H2BC18: variants seen among roughly 807,000 people sequenced by gnomAD.
H2BC18 encodes histone H2B type 2-F.
Under a neutral mutation model 6.3 loss-of-function variants are expected in H2BC18, and 8 were observed. The ratio of observed to expected loss-of-function variants is 1.28; its 90% CI spans 0.75 to 2.31. The LOEUF (loss-of-function observed/expected upper bound fraction) is 2.31, where lower values mean the gene tolerates loss of function less well. Among genes scored for constraint, H2BC18 ranks in the 30% most tolerant of loss-of-function variants. The pLI is 0.00. For missense variants in H2BC18, 106 were observed against 174.5 expected (o/e 0.61, Z 2.21); for synonymous variants, 104 against 78.1 (o/e 1.33, Z -1.75).
At chr1:149,806,594 C>CA (rs781839663) in intron 1 of H2BC18, among the ~76,000 whole-genome samples, 10,269 of 130,392 alleles carry the variant, frequency 0.079, 336 homozygotes, top group Non-Finnish European at 0.089. Context: ...GACTCCGTCT[C>CA]AAAAAAAAAA....
chr1:149,784,265 T>A, intron 1 of H2BC18: 1 of 1,611,064 alleles, frequency 6.2e-7, no homozygotes, highest in South Asian at 1.1e-5. Flanking sequence ...GAGGTAATTA[T>A]GACTTGGACC....
chr1:149,784,403 T>C (rs1398126672), intron 1 of H2BC18: 5 of 1,435,660 alleles, frequency 3.5e-6, no homozygotes, highest in Non-Finnish European at 4.8e-6. Flanking sequence ...TAAATCAGTA[T>C]ACTCAAAACA....
chr1:149,796,521 T>C (rs1453321106), intron 1 of H2BC18, among the ~76,000 whole-genome samples: 17 of 152,184 alleles, frequency 1.1e-4, no homozygotes, highest in African/African-American at 3.9e-4. Flanking sequence ...GAAATGAGCA[T>C]TTATATAGGT....
intron 1 of H2BC18, chr1:149,788,554 T>C: frequency 6.2e-7 from 1 of 1,613,956 alleles, no homozygotes; most frequent in Non-Finnish European, 8.5e-7. Flanking sequence ...CAATGGCACC[T>C]ACCATTGCTC....
rs185053300 is a variant in H2BC18 at position 149,787,054 on chromosome 1, A to C, written c.378-3794T>G. ...CATTACTAGTGTTTGACAGTTTCTGATGGAGATGTGACAGCACTTCCCACT... is the reference window on the plus strand; with the variant it reads ...CATTACTAGTGTTTGACAGTTTCTGCTGGAGATGTGACAGCACTTCCCACT... On this transcript the variant is annotated intron_variant, in intron 1 of 1. Transcript: ENST00000545683. 1.8e-4 allele frequency: 27 copies of C among 152,348 alleles called. No homozygotes were observed. The East Asian group carries it at 3.5e-3, about 20-fold the overall frequency. 9.4% of individuals were successfully genotyped at this position (152,348 alleles called of 1,614,324 possible).
At chr1:149,792,704 G>T in intron 1 of H2BC18, 1 of 1,283,274 alleles carries the variant, frequency 7.8e-7, no homozygotes, top group Non-Finnish European at 1.0e-6. Flanking sequence ...GGCGAAAGCT[G>T]TTGGGCGCGC....
intron 1 of H2BC18, among the ~76,000 whole-genome samples, chr1:149,794,672 CAAGA>C (rs2091780350): frequency 2.0e-5 from 1 of 49,924 alleles, no homozygotes; most frequent in Admixed American, 2.3e-4. Context: ...TAAAACGTCT[CAAGA>C]AAGAGAGATC....
chr1:149,797,410 ATTAC>A (rs1269159119), intron 1 of H2BC18, among the ~76,000 whole-genome samples: 4 of 152,006 alleles, frequency 2.6e-5, no homozygotes, highest in African/African-American at 7.3e-5. Context: ...TATATCTAGT[ATTAC>A]TTATGTGCTT....
intron 1 of H2BC18, chr1:149,784,113 C>T: frequency 1.9e-6 from 3 of 1,611,854 alleles, no homozygotes; most frequent in Admixed American, 3.3e-5. Context: ...CAGCTCTACA[C>T]AGTGGTTTCT....
At chr1:149,784,704 A>G (rs1360860095) in intron 1 of H2BC18, among the ~76,000 whole-genome samples, 1 of 9,160 alleles carries the variant, frequency 1.1e-4, no homozygotes, top group Non-Finnish European at 7.5e-4. Flanking sequence ...TATAAACTAT[A>G]TATATATATA....
rs587641348 is a variant in H2BC18, at chr1:149,789,805, C to T, written c.378-6545G>A. On this transcript the variant is annotated intron_variant, in intron 1 of 1. Transcript: ENST00000545683. ...AAAAGTTGCCTTCCACAAAATCCATCCCTAGTGCCAAAAAGGTTGGGGACC... is the reference window on the plus strand; with the variant it reads ...AAAAGTTGCCTTCCACAAAATCCATTCCTAGTGCCAAAAAGGTTGGGGACC... Among the ~76,000 whole-genome samples, 240 of 152,244 alleles carry T rather than the reference C, an allele frequency of 1.6e-3. 1 individual carries two copies. The highest frequency in any genetic ancestry group is 2.6e-3 in the Non-Finnish European group (177 of 68,020).
rs138148508 is a variant in H2BC18, at chr1:149,797,526, A to C, written c.378-14266T>G. Among the ~76,000 whole-genome samples, 1,335 of 152,222 alleles carry C rather than the reference A, an allele frequency of 8.8e-3. 18 individuals are homozygous for C. The highest frequency in any genetic ancestry group is 0.027 in the African/African-American group (1,118 of 41,520). ...CATTTTGGTGGAATAGGAAGGTATG[A>C]TCTGTTTCATTGACTATGCTTTCAT... On this transcript the variant is annotated intron_variant, in intron 1 of 1. Coordinates refer to the H2BC18 transcript ENST00000545683.
At chr1:149,800,133 A>G (rs1446156594) in intron 1 of H2BC18, among the ~76,000 whole-genome samples, 5 of 152,096 alleles carry the variant, frequency 3.3e-5, no homozygotes, top group African/African-American at 1.2e-4. Flanking sequence ...CATGAAACTC[A>G]GAGAAACACT....
Position 149,812,289 on chromosome 1 carries a change from T to G in H2BC18, c.35A>C (p.Lys12Thr), listed in dbSNP as rs1453415381. ...CGTAACAGCCTTTTTGGAGCCCTTCTTGGGAGCAGGAGCGGATTTCGCTGG... is the reference window on the plus strand; with the variant it reads ...CGTAACAGCCTTTTTGGAGCCCTTCGTGGGAGCAGGAGCGGATTTCGCTGG... ...PDPAKSAPAP[K>T]KGSKKAVTKV... The change falls in exon 1 of 1, where the codon AAG becomes ACG. Residue 12 changes from lysine to threonine, a missense_variant. Lys to Thr is a moderately conservative substitution (Grantham distance 78, BLOSUM62 -1). This residue lies in a region of H2BC18 where 70 missense variants were observed against 64.6 expected (regional missense o/e 1.08). Coordinates refer to ENST00000369167, the MANE Select transcript of H2BC18 (RefSeq NM_001024599.5). The G allele has an allele frequency of 1.2e-6, 2 of 1,614,114 alleles. No individual in the cohort carries two copies. Among genetic ancestry groups the G allele is most frequent in the African/African-American group, 2.7e-5 (2 of 74,938 alleles).
downstream of H2BC18, among the ~76,000 whole-genome samples, chr1:149,809,634 G>A (rs1434870606): frequency 5.5e-5 from 8 of 145,406 alleles, no homozygotes; most frequent in South Asian, 1.7e-3. Flanking sequence ...TATGTCTCTA[G>A]CAGAAGACAG....
At chr1:149,807,561 T>C (rs2091931002), downstream of H2BC18, among the ~76,000 whole-genome samples, 1 of 141,802 alleles carries the variant, frequency 7.1e-6, no homozygotes, top group Non-Finnish European at 1.5e-5. Context: ...ATCCCAGCAC[T>C]TTGGGAGGCC....
At position 149,811,961 on chromosome 1, in the gene H2BC18, C is replaced by T. The variant is rs1315936959; in HGVS notation, c.363G>A (p.Lys121=). ...AVSEGTKAVT[K]YTSSK ...CACACTCTTACTTCGAGCTGGTGTA[C>T]TTGGTGACCGCCTTGGTGCCCTCGG... Residue 121 remains lysine, a synonymous_variant, in exon 1 of 1, where the codon AAG becomes AAA. Coordinates refer to ENST00000369167, the MANE Select transcript of H2BC18 (RefSeq NM_001024599.5). The T allele has an allele frequency of 5.0e-6, 8 of 1,613,572 alleles. No individual in the cohort carries two copies. In the African/African-American group the frequency reaches 1.1e-4, roughly 22 times the overall value.
In H2BC18 at chr1:149,812,176, G is replaced by A. The variant is rs1571426763; in HGVS notation, c.148C>T (p.His50Tyr). ...VYVYKVLKQV[H>Y]PDTGISSKAM... ...TTGGACGAGATGCCGGTGTCGGGGT[G>A]GACCTGCTTCAGCACCTTGTACACG... Residue 50 changes from histidine (H) to tyrosine (Y), a missense_variant, in exon 1 of 1, where the codon CAC becomes TAC. Physicochemically the swap from His to Tyr is moderately conservative, Grantham distance 83. Around this residue, in one of 3 missense-constraint regions of H2BC18, gnomAD observed 70 missense variants for 64.6 expected, o/e 1.08. Transcript: ENST00000369167. 7 of 1,614,274 alleles carry A rather than the reference G, an allele frequency of 4.3e-6. No homozygotes were observed. Among genetic ancestry groups the A allele is most frequent in the Non-Finnish European group, 5.9e-6 (7 of 1,180,046 alleles).
At chr1:149,804,419 A>G (rs1302009317) in intron 1 of H2BC18, among the ~76,000 whole-genome samples, 7 of 152,248 alleles carry the variant, frequency 4.6e-5, no homozygotes, top group Non-Finnish European at 1.0e-4. Context: ...CAAAGGTCCT[A>G]CAAGTAAATT....
Sources: allele counts gnomAD v4.1 joint callset (sites outside exome capture counted in the v4.1 genomes callset), GRCh38; gene constraint gnomAD v4.1.1; regional missense constraint gnomAD v4.1.1; transcripts MANE v1.5; gene names NCBI Gene and HGNC (gene_info 2026-07-23, HGNC 2026-07-21).